HHAT: variants seen among roughly 807,000 people sequenced by gnomAD.
The protein encoded by HHAT is hedgehog acyltransferase, also known as protein-cysteine N-palmitoyltransferase HHAT.
HHAT carries 47 observed loss-of-function variants against 70.8 expected under a neutral mutation model. That is an observed-to-expected ratio of 0.66 (90% CI 0.53 to 0.85). HHAT has a LOEUF of 0.85. HHAT is among the 40% of genes least tolerant of loss of function. The pLI, the probability that HHAT is intolerant of heterozygous loss-of-function variation, is 0.00. For synonymous variants in HHAT, 228 were observed against 247.6 expected, an observed-to-expected ratio of 0.92 and a Z score of 0.74; for missense variants, 609 against 604.8, an observed-to-expected ratio of 1.01 and a Z score of -0.07.
At chr1:210,518,779 G>A (rs554107533) in intron 9 of HHAT, among the ~76,000 whole-genome samples, 3 of 152,320 alleles carry the variant, frequency 2.0e-5, no homozygotes, top group African/African-American at 7.2e-5. Context: ...GGGTGACAGA[G>A]CAAGACACCG....
chr1:210,572,875 A>G (rs551586100), intron 9 of HHAT, among the ~76,000 whole-genome samples: 1 of 152,320 alleles, frequency 6.6e-6, no homozygotes, highest in East Asian at 1.9e-4. Context: ...CAGCTTGGGC[A>G]ACAGAGTGAG....
chr1:210,419,156 G>C (rs1303988426), intron 7 of HHAT, among the ~76,000 whole-genome samples: 1 of 152,152 alleles, frequency 6.6e-6, no homozygotes, highest in Non-Finnish European at 1.5e-5. Flanking sequence ...CTGTAAAATA[G>C]GGAGACTTAG....
At chr1:210,633,548 G>T (rs1671280199) in intron 11 of HHAT, among the ~76,000 whole-genome samples, 1 of 152,208 alleles carries the variant, frequency 6.6e-6, no homozygotes, top group South Asian at 2.1e-4. Flanking sequence ...CCCACAGTGA[G>T]TGTCCCGGAT....
At position 210,400,601 on chromosome 1, in the gene HHAT, C is replaced by T. The variant is rs376054556; in HGVS notation, c.407C>T (p.Thr136Met). ...CVAQFRSQLL[T>M]WLCSLLLLST... ...GCCCAGTTCCGGTCTCAGCTCCTGA[C>T]GTGGCTCTGTTCTCTCCTCCTCCTC... The change falls in exon 5 of 12, where the codon ACG becomes ATG. Residue 136 changes from threonine (T) to methionine (M), a missense_variant. By Grantham distance (81) the Thr-to-Met change is moderately conservative. Transcript: ENST00000261458. 60 of 1,613,996 alleles carry T rather than the reference C, an allele frequency of 3.7e-5. No individual in the cohort carries two copies. The highest frequency in any genetic ancestry group is 8.0e-5 in the African/African-American group (6 of 74,908).
chr1:210,453,088 G>A (rs1444169737), intron 7 of HHAT, among the ~76,000 whole-genome samples: 2 of 152,098 alleles, frequency 1.3e-5, no homozygotes, highest in Non-Finnish European at 2.9e-5. Flanking sequence ...TTATCCATTT[G>A]CTTTTTCTCA....
At chr1:210,599,290 C>T (rs541965172) in intron 10 of HHAT, among the ~76,000 whole-genome samples, 84 of 152,326 alleles carry the variant, frequency 5.5e-4, no homozygotes, top group African/African-American at 1.9e-3. Flanking sequence ...CATACCCCCA[C>T]TTCTAGAAAA....
intron 11 of HHAT, among the ~76,000 whole-genome samples, chr1:210,669,008 C>T (rs753461826): frequency 1.8e-4 from 27 of 152,136 alleles, no homozygotes; most frequent in Non-Finnish European, 2.9e-4. Flanking sequence ...TGCCTGACCT[C>T]GTGATCCACC....
intron 8 of HHAT, among the ~76,000 whole-genome samples, chr1:210,471,264 A>G (rs2094199199): frequency 6.6e-6 from 1 of 152,160 alleles, no homozygotes; most frequent in Non-Finnish European, 1.5e-5. Context: ...ATTAAGTATT[A>G]ATACGTGACA....
chr1:210,520,296 T>G (rs1158010194), intron 9 of HHAT, among the ~76,000 whole-genome samples: 1 of 152,256 alleles, frequency 6.6e-6, no homozygotes, highest in Non-Finnish European at 1.5e-5. Context: ...ATTATAGGCA[T>G]GAGCCACTGC....
At chr1:210,583,893 G>A (rs1659799058) in intron 9 of HHAT, among the ~76,000 whole-genome samples, 1 of 151,398 alleles carries the variant, frequency 6.6e-6, no homozygotes, top group Admixed American at 6.6e-5. Flanking sequence ...TACCATTGGT[G>A]TGGAGAATGA....
chr1:210,396,478 T>G (rs555634680), intron 4 of HHAT, among the ~76,000 whole-genome samples: 33 of 152,356 alleles, frequency 2.2e-4, no homozygotes, highest in African/African-American at 7.9e-4. Flanking sequence ...GGATCACACA[T>G]GCATTGCTGG....
At chr1:210,519,381 C>T (rs1039508413) in intron 9 of HHAT, among the ~76,000 whole-genome samples, 17 of 152,240 alleles carry the variant, frequency 1.1e-4, no homozygotes, top group Admixed American at 2.0e-4. Flanking sequence ...AGTGGGATTG[C>T]AGGATCATAC....
intron 7 of HHAT, among the ~76,000 whole-genome samples, chr1:210,419,377 A>G (rs1399642183): frequency 6.6e-6 from 1 of 152,116 alleles, no homozygotes; most frequent in East Asian, 1.9e-4. Flanking sequence ...TTGTCTGTGG[A>G]GAAACCACTG....
chr1:210,343,845 G>A (rs1285420049), intron 1 of HHAT, among the ~76,000 whole-genome samples: 1 of 152,190 alleles, frequency 6.6e-6, no homozygotes, highest in Non-Finnish European at 1.5e-5. Flanking sequence ...TTGATTCAGG[G>A]AGAAAATCAG....
chr1:210,671,086 G>A (rs939507186), intron 11 of HHAT, among the ~76,000 whole-genome samples: 5 of 152,252 alleles, frequency 3.3e-5, no homozygotes, highest in African/African-American at 9.6e-5. Context: ...TGTGTTACGC[G>A]GAAGCTTTCA....
intron 2 of HHAT, among the ~76,000 whole-genome samples, chr1:210,359,846 G>A (rs1190879917): frequency 6.6e-6 from 1 of 151,590 alleles, no homozygotes; most frequent in Non-Finnish European, 1.5e-5. Flanking sequence ...CAACCTAGGC[G>A]ACAGAGCGAG....
intron 9 of HHAT, among the ~76,000 whole-genome samples, chr1:210,563,145 C>T (rs1306871282): frequency 6.6e-6 from 1 of 152,060 alleles, no homozygotes; most frequent in Non-Finnish European, 1.5e-5. Context: ...GCTTCTGGGT[C>T]AAGTGATTCC....
At chr1:210,610,396 T>C (rs1249669669) in intron 10 of HHAT, among the ~76,000 whole-genome samples, 1 of 152,184 alleles carries the variant, frequency 6.6e-6, no homozygotes, top group Admixed American at 6.5e-5. Context: ...TTATTTAAGT[T>C]CCTTATAGAT....
intron 7 of HHAT, among the ~76,000 whole-genome samples, chr1:210,439,965 T>A (rs189151633): frequency 1.3e-5 from 2 of 151,892 alleles, no homozygotes; most frequent in Non-Finnish European, 2.9e-5. Context: ...CATTGTAATT[T>A]AATAAAGCTA....
Sources: allele counts gnomAD v4.1 joint callset (sites outside exome capture counted in the v4.1 genomes callset), GRCh38; gene constraint gnomAD v4.1.1; transcripts MANE v1.5; gene names NCBI Gene and HGNC (gene_info 2026-07-23, HGNC 2026-07-21).